Variants in RPS6 observed in about 807,000 individuals in gnomAD.
RPS6 encodes the protein ribosomal protein S6, also known as small ribosomal subunit protein eS6.
RPS6 carries 1 observed loss-of-function variant against 27.1 expected under a neutral mutation model. The observed-to-expected ratio is 0.04, with a 90% CI of 0.01 to 0.18. RPS6 has a LOEUF of 0.18. Ranked by LOEUF, RPS6 falls within the 10% of genes least tolerant of loss-of-function variation. RPS6 has a pLI of 1.00. For synonymous variants in RPS6, 152 were observed against 106.0 expected (o/e 1.43, Z -2.66); for missense variants, 259 against 319.1 (o/e 0.81, Z 1.44).
In RPS6 at chr9:19,378,787, T is replaced by C; in HGVS notation, c.270A>G (p.Gly90=). 6.2e-7 allele frequency: 1 copy of C among 1,614,192 alleles called. No homozygotes were observed. Among genetic ancestry groups the C allele is most frequent in the South Asian group, 1.1e-5 (1 of 91,086 alleles). ...CACGAACTGATTTTCTCTTTCTTTC[T>C]CCAGTTCTCCTTGGTCTGTAACAGG... ...GHSCYRPRRT[G]ERKRKSVRGC... The change falls in exon 3 of 6, where the codon GGA becomes GGG. Residue 90 remains glycine (G), a synonymous_variant. Transcript: ENST00000380394.
chr9:19,378,700 AC>A lies in RPS6; in HGVS notation c.349+7del. 1 of 1,613,526 alleles carries A rather than the reference AC, an allele frequency of 6.2e-7. No individual in the cohort carries two copies. Among genetic ancestry groups the A allele is most frequent in the Non-Finnish European group, 8.5e-7 (1 of 1,179,504 alleles). On this transcript the variant is annotated splice_region_variant and intron_variant, in intron 3 of 5. Coordinates refer to ENST00000380394, the MANE Select transcript of RPS6 (RefSeq NM_001010.3). Reference sequence around the variant, plus strand: ...TTTCAACGAAAATTGAACACAAGTAACCCTCACCTTTTTTTACAATAACCAA... The same window carrying A: ...TTTCAACGAAAATTGAACACAAGTAACCTCACCTTTTTTTACAATAACCAA...
chr9:19,379,849 G>A, intron 1 of RPS6: 3 of 1,426,044 alleles, frequency 2.1e-6, no homozygotes, highest in Non-Finnish European at 2.7e-6. Flanking sequence ...TGACTCTGGG[G>A]GCGAGGGCAC....
Position 19,378,691 on chromosome 9 carries a change from A to AC in RPS6, c.349+16dup, listed in dbSNP as rs761037196. ...TTAAATCAATTTCAACGAAAATTGA[A>AC]CACAAGTAACCCTCACCTTTTTTTA... On this transcript the variant is annotated intron_variant, in intron 3 of 5. Coordinates refer to ENST00000380394, the MANE Select transcript of RPS6 (RefSeq NM_001010.3). The AC allele has an allele frequency of 1.9e-6, 3 of 1,612,794 alleles. No individual in the cohort carries two copies. The Admixed American group carries it at 5.0e-5, about 27-fold the overall frequency.
chr9:19,379,963 C>T (rs1347322540), intron 1 of RPS6: 1 of 1,439,488 alleles, frequency 6.9e-7, no homozygotes. Flanking sequence ...CGGCTGGGCG[C>T]GGGGACGCCA....
chr9:19,379,797 C>T (rs1829649082), intron 1 of RPS6, 179 bp from the exon 2 acceptor site: 7 of 1,441,902 alleles, frequency 4.9e-6, no homozygotes, highest in Non-Finnish European at 6.3e-6. Flanking sequence ...AGTCAAGAAG[C>T]GCCGCACTCA....
rs755114478 is a variant in RPS6, at chr9:19,378,360, C to T, written c.496+8G>A. On this transcript the variant is annotated splice_region_variant and intron_variant, in intron 4 of 5. Coordinates refer to ENST00000380394, the MANE Select transcript of RPS6 (RefSeq NM_001010.3). Reference sequence around the variant, plus strand: ...TTAAGCAAGCCCTAATTGCATAATCCCTCCTACCTTCTTTATTTAAGGGCT... The same window carrying T: ...TTAAGCAAGCCCTAATTGCATAATCTCTCCTACCTTCTTTATTTAAGGGCT... 1 of 1,610,622 alleles carries T rather than the reference C, an allele frequency of 6.2e-7. No homozygotes were observed. Among genetic ancestry groups the T allele is most frequent in the East Asian group, 2.2e-5 (1 of 44,846 alleles).
At chr9:19,378,555 CCTT>C (rs1409014196) in intron 3 of RPS6, 41 bp from the exon 4 acceptor site, 1 of 1,601,956 alleles carries the variant, frequency 6.2e-7, no homozygotes, top group African/African-American at 1.3e-5. Context: ...TCAACAACTT[CCTT>C]AAGAATCCTA....
intron 1 of RPS6, 35 bp downstream of exon 1, chr9:19,380,155 C>T (rs777671286): frequency 1.2e-6 from 2 of 1,613,742 alleles, no homozygotes; most frequent in Non-Finnish European, 1.7e-6. Context: ...TTCACGTTCC[C>T]CAAACCCAGT....
At chr9:19,377,951 G>A (rs1408088697) in intron 4 of RPS6, among the ~76,000 whole-genome samples, 2 of 152,166 alleles carry the variant, frequency 1.3e-5, no homozygotes, top group East Asian at 3.8e-4. Flanking sequence ...GAGCTCAAGG[G>A]TTCAAGACCA....
At chr9:19,379,297 T>G in intron 2 of RPS6, 190 bp downstream of exon 2, 1 of 1,475,670 alleles carries the variant, frequency 6.8e-7, no homozygotes, top group Non-Finnish European at 9.0e-7. Flanking sequence ...AAACTTTACG[T>G]ATATTTTATG....
chr9:19,376,580 G>A lies in RPS6; in HGVS notation c.568C>T (p.Arg190Trp), dbSNP rs372821717. Residue 190 changes from arginine (R) to tryptophan (W), a missense_variant, in exon 5 of 6, where the codon CGG becomes TGG. Physicochemically the swap from Arg to Trp is moderately radical, Grantham distance 101 (BLOSUM62 -3). This residue lies in a region of RPS6 where 191 missense variants were observed against 231.6 expected (regional missense o/e 0.82). Transcript: ENST00000380394. ...VTPRVLQHKR[R>W]RIALKKQRTK... ...CGCTGCTTCTTCAGAGCAATACGCC[G>A]CCGTTTGTGCTGCAGGACACGTGGA... 5.0e-6 allele frequency: 8 copies of A among 1,613,920 alleles called. No individual in the cohort carries two copies. In the African/African-American group the frequency reaches 5.3e-5, roughly 11 times the overall value.
Position 19,380,208 on chromosome 9 carries a change from G to C in RPS6, c.-13C>G, listed in dbSNP as rs201852243. 5.0e-6 allele frequency: 8 copies of C among 1,613,476 alleles called. No homozygotes were observed. The highest frequency in any genetic ancestry group is 1.3e-5 in the African/African-American group (1 of 75,050). ...CACCTACCTTCATCTTGAAGCAGCTGAACGCCTCCGAGGCGCCACGGAAAA... is the reference window on the plus strand; with the variant it reads ...CACCTACCTTCATCTTGAAGCAGCTCAACGCCTCCGAGGCGCCACGGAAAA... On this transcript the variant is annotated 5_prime_UTR_variant, in exon 1 of 6. Coordinates refer to ENST00000380394, the MANE Select transcript of RPS6 (RefSeq NM_001010.3).
At chr9:19,379,695 C>T in intron 1 of RPS6, 77 bp from the exon 2 acceptor site, 1 of 1,527,372 alleles carries the variant, frequency 6.5e-7, no homozygotes, top group Non-Finnish European at 8.7e-7. Flanking sequence ...AAAGTTAATT[C>T]CACTGCAAAA....
At chr9:19,379,292 T>G (rs1829640004) in intron 2 of RPS6, 195 bp downstream of exon 2, 30 of 1,472,594 alleles carry the variant, frequency 2.0e-5, no homozygotes, top group Non-Finnish European at 2.6e-5. Flanking sequence ...GATGTAAACT[T>G]TACGTATATT....
Position 19,376,449 on chromosome 9 carries a change from G to A in RPS6, c.654+45C>T, listed in dbSNP as rs753374310. The A allele has an allele frequency of 1.3e-5, 21 of 1,612,294 alleles. No homozygotes were observed. In the East Asian group the frequency reaches 4.5e-4, roughly 34 times the overall value. On this transcript the variant is annotated intron_variant, in intron 5 of 5. Coordinates refer to ENST00000380394, the MANE Select transcript of RPS6 (RefSeq NM_001010.3). ...TCTGGGTTAAAGACGCAAATCCAAA[G>A]CCAGGTCGAACTCCTCCCACCCCCT...
At chr9:19,379,243 CAT>C (rs1829639335) in intron 2 of RPS6, 12 of 1,368,894 alleles carry the variant, frequency 8.8e-6, no homozygotes, top group Non-Finnish European at 9.7e-6. Flanking sequence ...AGCTATGTGA[CAT>C]ATTGCCAAAT....
Position 19,378,390 on chromosome 9 carries a change from T to C in RPS6, c.474A>G (p.Val158=), listed in dbSNP as rs377415785. The part of the protein sequence containing the change: ...SKEDDVRQYV[V]RKPLNKEGKK... ...TACCTTCTTTATTTAAGGGCTTTCTTACAACATACTGGCGGACATCATCTT... is the reference window on the plus strand; with the variant it reads ...TACCTTCTTTATTTAAGGGCTTTCTCACAACATACTGGCGGACATCATCTT... The change falls in exon 4 of 6, where the codon GTA becomes GTG. Residue 158 remains valine (V), a synonymous_variant. Coordinates refer to ENST00000380394, the MANE Select transcript of RPS6 (RefSeq NM_001010.3). 1.4e-5 allele frequency: 23 copies of C among 1,612,892 alleles called. No individual in the cohort carries two copies. In the African/African-American group the frequency reaches 2.7e-4, roughly 19 times the overall value.
At chr9:19,378,607 A>G in intron 3 of RPS6, 93 bp from the exon 4 acceptor site, 11 of 1,573,434 alleles carry the variant, frequency 7.0e-6, no homozygotes, top group Non-Finnish European at 8.7e-6. Flanking sequence ...GTAGAGAAAC[A>G]AATCCATTGG....
chr9:19,377,735 A>T (rs1270609472), intron 4 of RPS6, among the ~76,000 whole-genome samples: 1 of 152,218 alleles, frequency 6.6e-6, no homozygotes, highest in Non-Finnish European at 1.5e-5. Context: ...AAGCTCCAAA[A>T]TCCCTAACAC....
Sources: gnomAD v4.1 joint callset for allele counts (sites outside exome capture counted in the v4.1 genomes callset) on GRCh38, gnomAD v4.1.1 for gene constraint, gnomAD v4.1.1 regional missense constraint, MANE v1.5 for transcripts, NCBI Gene and HGNC (gene_info 2026-07-23, HGNC 2026-07-21) for gene names.